IRAG2: variants seen among roughly 807,000 people sequenced by gnomAD.
IRAG2 encodes lymphoid restricted membrane protein.
IRAG2 carries 45 observed loss-of-function variants against 69.9 expected under a neutral mutation model. The observed-to-expected ratio is 0.64, with a 90% confidence interval of 0.51 to 0.83. IRAG2 has a LOEUF of 0.83. Ranked by LOEUF, IRAG2 falls within the 40% of genes least tolerant of loss-of-function variation. The pLI, the probability that IRAG2 is intolerant of heterozygous loss-of-function variation, is 0.00. For synonymous variants in IRAG2, 193 were observed against 202.4 expected (o/e 0.95, Z 0.40); for missense variants, 520 against 587.0 (o/e 0.89, Z 1.18).
intron 6 of IRAG2, among the ~76,000 whole-genome samples, chr12:25,072,608 AT>A (rs1946410242): frequency 6.6e-6 from 1 of 152,220 alleles, no homozygotes; most frequent in African/African-American, 2.4e-5. Context: ...GATATAAATT[AT>A]TTTAAAAACA....
At chr12:25,015,991 T>G (rs552205908) in intron 5 of IRAG2, among the ~76,000 whole-genome samples, 1 of 152,218 alleles carries the variant, frequency 6.6e-6, no homozygotes, top group East Asian at 1.9e-4. Flanking sequence ...AAGTCAGAAG[T>G]TTGAGACCAG....
intron 1 of IRAG2, among the ~76,000 whole-genome samples, chr12:25,060,703 C>T (rs535016270): frequency 2.1e-5 from 3 of 139,634 alleles, no homozygotes; most frequent in Non-Finnish European, 3.0e-5. Context: ...GAGGGAGTCT[C>T]GCCCTGGAGT....
intron 10 of IRAG2, 54 bp from the exon 11 acceptor site, chr12:25,088,046 C>G: frequency 7.8e-7 from 1 of 1,289,644 alleles, no homozygotes. Context: ...AGGAAAATGA[C>G]TGGTTATGAA....
At chr12:25,066,632 C>T (rs1945998498) in intron 5 of IRAG2, 120 bp downstream of exon 5, 1 of 393,382 alleles carries the variant, frequency 2.5e-6, no homozygotes, top group East Asian at 3.6e-5. Context: ...TCGAACTTCT[C>T]TAACTTCCTG....
rs1235019785 is a variant in IRAG2 at position 25,079,231 on chromosome 12, C to G, written c.25-13C>G. ...AAATTGTTGAACTTATGTCTCCTTT[C>G]TTTTTCCTTAAGGAGAATGGTGTTG... On this transcript the variant is annotated splice_polypyrimidine_tract_variant and intron_variant, in intron 6 of 21. Coordinates refer to ENST00000556887, the MANE Select transcript of IRAG2 (RefSeq NM_001366544.2). The G allele has an allele frequency of 5.0e-6, 8 of 1,613,622 alleles. No individual in the cohort carries two copies. Among genetic ancestry groups the G allele is most frequent in the African/African-American group, 1.3e-5 (1 of 74,910 alleles).
chr12:25,051,629 G>A (rs928898800), upstream of IRAG2, among the ~76,000 whole-genome samples: 2 of 152,176 alleles, frequency 1.3e-5, no homozygotes, highest in African/African-American at 4.8e-5. Flanking sequence ...GATCTGTGGT[G>A]GGGAAGGGTG....
intron 5 of IRAG2, among the ~76,000 whole-genome samples, chr12:25,016,634 AT>A (rs1235690649): frequency 2.6e-5 from 4 of 151,966 alleles, no homozygotes; most frequent in African/African-American, 9.7e-5. Flanking sequence ...ATGGTGGTGC[AT>A]GCCTGTAGTC....
intron 6 of IRAG2, among the ~76,000 whole-genome samples, chr12:25,077,319 T>TG (rs1946842560): frequency 3.6e-5 from 1 of 27,710 alleles, no homozygotes; most frequent in Admixed American, 4.5e-4. Flanking sequence ...ATATATATGA[T>TG]ATATATATGA....
At chr12:25,027,499 A>G (rs538939262) in intron 9 of IRAG2, among the ~76,000 whole-genome samples, 3 of 148,466 alleles carry the variant, frequency 2.0e-5, no homozygotes, top group South Asian at 2.1e-4. Context: ...TGTTCACGCC[A>G]TTCTCCTGCC....
At chr12:25,022,159 G>A (rs934552665) in intron 7 of IRAG2, among the ~76,000 whole-genome samples, 2 of 152,144 alleles carry the variant, frequency 1.3e-5, no homozygotes, top group Admixed American at 1.3e-4. Context: ...ATGAGCTAGC[G>A]CATGTAAAGC....
chr12:24,997,988 C>T, the IRAG2 span, among the ~76,000 whole-genome samples: 1 of 152,160 alleles, frequency 6.6e-6, no homozygotes, highest in Admixed American at 6.5e-5. Context: ...CATTTTCAGG[C>T]TTGGTCGTTT....
the IRAG2 span, among the ~76,000 whole-genome samples, chr12:24,998,853 T>C: frequency 6.6e-6 from 1 of 152,052 alleles, no homozygotes; most frequent in South Asian, 2.1e-4. Context: ...AATAAATAAC[T>C]TTAGTAAAGG....
Position 25,004,654 on chromosome 12 carries a change from C to T in IRAG2, c.313C>T (p.Pro105Ser), listed in dbSNP as rs372906614. The change falls in exon 1 of 39, where the codon CCT (proline) becomes TCT (serine). Residue 105 changes from proline to serine, a missense_variant. Transcript: ENST00000636465. ...CCCATCCACCTCTCACCTCAGCTCC[C>T]CTGAGACTGCAACATACTCTGTTAT... The T allele has an allele frequency of 1.2e-5, 15 of 1,232,160 alleles. No homozygotes were observed. In the African/African-American group the frequency reaches 1.9e-4, roughly 15 times the overall value. 76.3% of individuals were successfully genotyped at this position (1,232,160 alleles called of 1,614,324 possible). A position where few individuals can be genotyped will look rare whatever the true frequency, so the allele number is the denominator to read the frequency against.
upstream of IRAG2, among the ~76,000 whole-genome samples, chr12:25,003,143 C>T (rs1944404578): frequency 6.6e-6 from 1 of 152,030 alleles, no homozygotes; most frequent in Admixed American, 6.6e-5. Flanking sequence ...CTAGATACCC[C>T]TTCCAATTAT....
At chr12:25,104,328 A>G (rs2140255672) in intron 19 of IRAG2, 33 bp from the exon 20 acceptor site, 1 of 1,346,168 alleles carries the variant, frequency 7.4e-7, no homozygotes, top group Middle Eastern at 1.8e-4. Context: ...GATGTATTTG[A>G]TTTGACAAGT....
intron 14 of IRAG2, among the ~76,000 whole-genome samples, chr12:25,096,596 T>G (rs1948433260): frequency 1.3e-5 from 2 of 152,232 alleles, no homozygotes; most frequent in Non-Finnish European, 2.9e-5. Context: ...AAGCATAATC[T>G]CTTTACCATT....
At chr12:25,100,164 C>T (rs537185871) in intron 15 of IRAG2, among the ~76,000 whole-genome samples, 26 of 151,612 alleles carry the variant, frequency 1.7e-4, no homozygotes, top group Non-Finnish European at 3.2e-4. Context: ...TTCACACCCA[C>T]GAGGATGGCT....
At chr12:25,031,790 G>A (rs766503412) in intron 10 of IRAG2, among the ~76,000 whole-genome samples, 24 of 152,148 alleles carry the variant, frequency 1.6e-4, no homozygotes, top group Non-Finnish European at 3.5e-4. Flanking sequence ...AGCCTCCTGA[G>A]TAGCTGGGAT....
Position 25,090,095 on chromosome 12 carries a change from C to T in IRAG2, c.504C>T (p.Asp168=), listed in dbSNP as rs778267284. The T allele has an allele frequency of 4.3e-6, 7 of 1,613,998 alleles. No individual in the cohort carries two copies. The East Asian group carries it at 1.6e-4, about 36-fold the overall frequency. Residue 168 remains aspartate (D), a synonymous_variant, in exon 14 of 22, where the codon GAC becomes GAT. Transcript: ENST00000556887. ...GATTATCTTTGGGATTTAAGTGTGA[C>T]TGGTTTACCTTGGAGAAGAGAGTGA... ...FLRLSLGFKC[D]WFTLEKRVKL... is the part of the protein sequence containing the mutation.
Sources: gnomAD v4.1 joint callset for allele counts (sites outside exome capture counted in the v4.1 genomes callset) on GRCh38, gnomAD v4.1.1 for gene constraint, MANE v1.5 for transcripts, NCBI Gene and HGNC (gene_info 2026-07-23, HGNC 2026-07-21) for gene names.